CAMTA1: variants seen among roughly 807,000 people sequenced by gnomAD.
CAMTA1 encodes calmodulin binding transcription activator 1.
CAMTA1 carries 27 observed loss-of-function variants against 170.9 expected under a neutral mutation model. The observed-to-expected ratio is 0.16, with a 90% CI of 0.12 to 0.22. The LOEUF (loss-of-function observed/expected upper bound fraction) is 0.22. Among genes scored for constraint, CAMTA1 ranks in the 10% least tolerant of loss-of-function variants. The pLI is 1.00. For missense variants in CAMTA1, 1,619 were observed against 2,217.2 expected (o/e 0.73, Z 5.42); for synonymous variants, 833 against 891.5 (o/e 0.93, Z 1.17).
chr1:7,763,619 A>T lies in CAMTA1; in HGVS notation c.4990-2840A>T, dbSNP rs187448587. On this transcript the variant is annotated intron_variant, in intron 22 of 22. Transcript: ENST00000303635. Reference sequence around the variant, plus strand: ...CTGCAAAAACAAATGTGACCATTTTAACTAAAAGAAAAATGTTTAGGGTAT... The same window carrying T: ...CTGCAAAAACAAATGTGACCATTTTTACTAAAAGAAAAATGTTTAGGGTAT... Among the ~76,000 whole-genome samples, 653 of 152,344 alleles carry T rather than the reference A, an allele frequency of 4.3e-3. 5 individuals are homozygous for T. Among genetic ancestry groups the T allele is most frequent in the African/African-American group, 0.014 (596 of 41,574 alleles).
intron 6 of CAMTA1, among the ~76,000 whole-genome samples, chr1:7,511,720 T>A (rs1393091585): frequency 1.3e-5 from 2 of 152,130 alleles, no homozygotes; most frequent in African/African-American, 4.8e-5. Flanking sequence ...CTGGTGAGGT[T>A]TCCTGGACCT....
intron 5 of CAMTA1, among the ~76,000 whole-genome samples, chr1:7,416,102 G>A (rs1355697675): frequency 6.6e-6 from 1 of 152,128 alleles, no homozygotes; most frequent in Non-Finnish European, 1.5e-5. Flanking sequence ...CTCTCTTCTG[G>A]CTTGTAGAGT....
chr1:7,043,554 G>A (rs1317248978), intron 3 of CAMTA1, among the ~76,000 whole-genome samples: 1 of 152,158 alleles, frequency 6.6e-6, no homozygotes, highest in South Asian at 2.1e-4. Context: ...GAGGCTCGGC[G>A]GAAAACATTT....
chr1:7,507,472 C>T (rs771388287), intron 6 of CAMTA1, among the ~76,000 whole-genome samples: 1 of 152,206 alleles, frequency 6.6e-6, no homozygotes, highest in Non-Finnish European at 1.5e-5. Flanking sequence ...CTTCCTTTCT[C>T]TCTCATCTTT....
chr1:7,322,262 C>T (rs775525004), intron 5 of CAMTA1, among the ~76,000 whole-genome samples: 11 of 152,166 alleles, frequency 7.2e-5, no homozygotes, highest in Non-Finnish European at 1.3e-4. Flanking sequence ...GCCCCACAAT[C>T]GAAGGCTCCC....
intron 6 of CAMTA1, among the ~76,000 whole-genome samples, chr1:7,596,618 G>C (rs2095402381): frequency 6.6e-6 from 1 of 152,204 alleles, no homozygotes; most frequent in Non-Finnish European, 1.5e-5. Flanking sequence ...ATGAACGATG[G>C]GTGCCAGGCT....
intron 6 of CAMTA1, among the ~76,000 whole-genome samples, chr1:7,557,978 G>A (rs1004126620): frequency 1.4e-4 from 21 of 152,206 alleles, no homozygotes; most frequent in African/African-American, 5.1e-4. Context: ...TCGCGGTGTG[G>A]TGTCCGTGGG....
intron 6 of CAMTA1, among the ~76,000 whole-genome samples, chr1:7,514,602 T>G (rs910216829): frequency 3.3e-5 from 5 of 152,134 alleles, no homozygotes; most frequent in African/African-American, 1.2e-4. Context: ...AAACAACTCA[T>G]TTGGGAAATG....
chr1:7,063,091 C>G lies in CAMTA1; in HGVS notation c.235-28213C>G, dbSNP rs968216253. 6.6e-6 allele frequency among the ~76,000 whole-genome samples: 1 copy of G among 152,210 alleles called. No homozygotes were observed. Among genetic ancestry groups the G allele is most frequent in the Non-Finnish European group, 1.5e-5 (1 of 68,044 alleles). On this transcript the variant is annotated intron_variant, in intron 3 of 22. Coordinates refer to ENST00000303635, the MANE Select transcript of CAMTA1 (RefSeq NM_015215.4). The surrounding 1 kb of genome is among the most constrained non-coding windows in gnomAD (Gnocchi z 4.3). ...GAACACGGATTCATTTTTCTCACTT[C>G]CCTAACAAAATATAAACTGCAGGAG...
chr1:7,309,920 G>T (rs541729643), intron 5 of CAMTA1, among the ~76,000 whole-genome samples: 1 of 151,668 alleles, frequency 6.6e-6, no homozygotes, highest in African/African-American at 2.4e-5. Context: ...TATAATTTTT[G>T]CTTTCAACCA....
intron 6 of CAMTA1, among the ~76,000 whole-genome samples, chr1:7,469,664 C>A (rs536145960): frequency 6.6e-6 from 1 of 152,244 alleles, no homozygotes; most frequent in African/African-American, 2.4e-5. Context: ...CTCCTCCAGG[C>A]TGGTCTGCTC....
intron 5 of CAMTA1, among the ~76,000 whole-genome samples, chr1:7,327,269 G>T (rs2082741517): frequency 6.6e-6 from 1 of 151,908 alleles, no homozygotes; most frequent in African/African-American, 2.4e-5. Context: ...AGCCAGGCTT[G>T]GTGGTGGGCG....
chr1:6,899,234 TG>T (rs763406082), intron 3 of CAMTA1, among the ~76,000 whole-genome samples: 1 of 152,240 alleles, frequency 6.6e-6, no homozygotes, highest in South Asian at 2.1e-4. Context: ...GTTTTCCTGA[TG>T]GATGGAGCCT....
At chr1:7,389,624 G>A (rs979534985) in intron 5 of CAMTA1, 1 of 152,466 alleles carries the variant, frequency 6.6e-6, no homozygotes, top group Non-Finnish European at 1.5e-5. Context: ...AGAGAAGTGG[G>A]GGCAGGTGGT....
chr1:6,791,790 G>T (rs1641175677), intron 1 of CAMTA1, among the ~76,000 whole-genome samples: 1 of 152,016 alleles, frequency 6.6e-6, no homozygotes, highest in South Asian at 2.1e-4. Flanking sequence ...ACCTAATCAG[G>T]TTCGAGCTAG....
chr1:7,359,156 A>G (rs1404496313), intron 5 of CAMTA1, among the ~76,000 whole-genome samples: 1 of 152,174 alleles, frequency 6.6e-6, no homozygotes, highest in Non-Finnish European at 1.5e-5. Flanking sequence ...TGCTCTGGCG[A>G]TAAAGCCCTG....
chr1:7,550,036 G>C (rs538153641), intron 6 of CAMTA1, among the ~76,000 whole-genome samples: 1 of 152,188 alleles, frequency 6.6e-6, no homozygotes, highest in South Asian at 2.1e-4. Flanking sequence ...GTGTGCAAAG[G>C]AGGAGAATCC....
chr1:7,284,940 C>T (rs1672145778), intron 5 of CAMTA1, among the ~76,000 whole-genome samples: 1 of 152,298 alleles, frequency 6.6e-6, no homozygotes, highest in Non-Finnish European at 1.5e-5. Flanking sequence ...GGAGGGAGCC[C>T]TCCGCTTTCC....
intron 5 of CAMTA1, among the ~76,000 whole-genome samples, chr1:7,270,258 CACACACACACACACACAT>C (rs1348161514): frequency 3.1e-5 from 3 of 96,054 alleles, no homozygotes; most frequent in African/African-American, 7.7e-5. Flanking sequence ...CACACACACA[CACACACACACACACACAT>C]ATATATATAT....
Sources: allele counts gnomAD v4.1 joint callset (sites outside exome capture counted in the v4.1 genomes callset), GRCh38; gene constraint gnomAD v4.1.1; non-coding constraint Gnocchi (gnomAD v3.1); transcripts MANE v1.5; gene names NCBI Gene and HGNC (gene_info 2026-07-23, HGNC 2026-07-21).